SEPTIN14: variants seen among roughly 807,000 people sequenced by gnomAD.
The protein encoded by SEPTIN14 is septin-14.
Under a neutral mutation model 53.6 loss-of-function variants are expected in SEPTIN14, and 40 were observed. That is an observed-to-expected ratio of 0.75 (90% CI 0.58 to 0.97). SEPTIN14 has a LOEUF of 0.97. SEPTIN14 is among the 50% of genes least tolerant of loss of function. The pLI is 0.00. For synonymous variants in SEPTIN14, 138 were observed against 166.8 expected (o/e 0.83, Z 1.33); for missense variants, 471 against 508.2 (o/e 0.93, Z 0.70).
Position 55,798,263 on chromosome 7 carries a change from G to A in SEPTIN14, c.1120-2171C>T, listed in dbSNP as rs551154233. On this transcript the variant is annotated intron_variant, in intron 9 of 9. Transcript: ENST00000388975. ...CTGAGTTGGCAGCTGTTGCTCATGA[G>A]CGTCCACCAGGTGGGACAGGGAGTG... 1.1e-4 allele frequency: 51 copies of A among 451,356 alleles called. 2 individuals carry two copies. In the Middle Eastern group the frequency reaches 1.9e-3, roughly 16 times the overall value. 28.0% of individuals were successfully genotyped at this position (451,356 alleles called of 1,614,324 possible). A position where few individuals can be genotyped will look rare whatever the true frequency, so the allele number is the denominator to read the frequency against.
intron 9 of SEPTIN14, among the ~76,000 whole-genome samples, chr7:55,802,704 A>G (rs1788542599): frequency 6.6e-6 from 1 of 152,124 alleles, no homozygotes. Flanking sequence ...TTTTTTGGAT[A>G]CAAACTCCAA....
At chr7:55,806,759 G>A (rs923379919) in intron 8 of SEPTIN14, among the ~76,000 whole-genome samples, 18 of 151,984 alleles carry the variant, frequency 1.2e-4, no homozygotes, top group African/African-American at 2.2e-4. Context: ...CACAGCGCCC[G>A]GCCTATCCTT....
Position 55,799,906 on chromosome 7 carries a change from A to T in SEPTIN14, c.1120-3814T>A, listed in dbSNP as rs560727341. On this transcript the variant is annotated intron_variant, in intron 9 of 9. Coordinates refer to ENST00000388975, the MANE Select transcript of SEPTIN14 (RefSeq NM_207366.3). ...CAATAGACCAAATAGGCATAGATAG[A>T]TTATTTCACTGAACAGTAGAAGAAT... 2.0e-5 allele frequency among the ~76,000 whole-genome samples: 3 copies of T among 152,182 alleles called. No individual in the cohort carries two copies. The East Asian group carries it at 5.8e-4, about 29-fold the overall frequency.
At chr7:55,807,585 G>GT (rs2115966717) in intron 7 of SEPTIN14, among the ~76,000 whole-genome samples, 1 of 152,218 alleles carries the variant, frequency 6.6e-6, no homozygotes, top group South Asian at 2.1e-4. Context: ...CTACCTCTGG[G>GT]TATTTTGGAG....
rs151131058 is a variant in SEPTIN14 at position 55,821,576 on chromosome 7, C to G, written c.721-2353G>C. On this transcript the variant is annotated intron_variant, in intron 6 of 9. Transcript: ENST00000388975. ...AAACATATTACAAAGCTACAGTAAT[C>G]AAAATAGTTTGGAAGTAGCATAAAG... Among the ~76,000 whole-genome samples, 167 of 152,258 alleles carry G rather than the reference C, an allele frequency of 1.1e-3. 2 individuals are homozygous for G. Among genetic ancestry groups the G allele is most frequent in the African/African-American group, 3.9e-3 (160 of 41,540 alleles).
At chr7:55,830,347 A>ATTTTTTTTTTTTTTTTTTTT (rs1283196897) in intron 6 of SEPTIN14, among the ~76,000 whole-genome samples, 1 of 50,392 alleles carries the variant, frequency 2.0e-5, no homozygotes, top group African/African-American at 1.6e-4. Flanking sequence ...ATATATATAT[A>ATTTTTTTTTTTTTTTTTTTT]TATTTTTTTT....
In SEPTIN14 at chr7:55,847,585, G is replaced by T. The variant is rs147815902; in HGVS notation, c.55-948C>A. Reference sequence around the variant, plus strand: ...AACACAAAGCTTATGTTATAATAAAGTATTAAATATCTCATGTAATTTATC... The same window carrying T: ...AACACAAAGCTTATGTTATAATAAATTATTAAATATCTCATGTAATTTATC... On this transcript the variant is annotated intron_variant, in intron 2 of 9. Transcript: ENST00000388975. Among the ~76,000 whole-genome samples the T allele has an allele frequency of 3.2e-4, 49 of 152,156 alleles. 2 individuals are homozygous for T. Among genetic ancestry groups the T allele is most frequent in the African/African-American group, 1.1e-3 (45 of 41,532 alleles).
At chr7:55,852,012 G>A (rs1208711748) in intron 2 of SEPTIN14, among the ~76,000 whole-genome samples, 4 of 151,746 alleles carry the variant, frequency 2.6e-5, no homozygotes, top group Non-Finnish European at 4.4e-5. Flanking sequence ...TGTGGTGGTG[G>A]GTGCCTGTAG....
chr7:55,803,684 A>G (rs1384698518), intron 9 of SEPTIN14, among the ~76,000 whole-genome samples: 1 of 152,192 alleles, frequency 6.6e-6, no homozygotes, highest in African/African-American at 2.4e-5. Context: ...CATAGTTGAG[A>G]TATGGAAAAG....
Position 55,844,652 on chromosome 7 carries a change from T to G in SEPTIN14, c.242A>C (p.Lys81Thr). The G allele has an allele frequency of 6.2e-7, 1 of 1,610,966 alleles. No individual in the cohort carries two copies. The highest frequency in any genetic ancestry group is 8.5e-7 in the Non-Finnish European group (1 of 1,177,572). The change falls in exon 4 of 10, where the codon AAA becomes ACA. Residue 81 changes from lysine to threonine, a missense_variant. Coordinates refer to ENST00000388975, the MANE Select transcript of SEPTIN14 (RefSeq NM_207366.3). ...AACATTTGAGTAAAAATGTGAGGAT[T>G]TGTTATCTTTCAAGTTAGTATTAAA... ...TLFNTNLKDN[K>T]SSHFYSNVGL...
chr7:55,838,980 A>G (rs1789258480), intron 5 of SEPTIN14, among the ~76,000 whole-genome samples: 2 of 152,162 alleles, frequency 1.3e-5, no homozygotes, highest in South Asian at 4.1e-4. Flanking sequence ...TGTCATGTTG[A>G]CCCACTCCTT....
Position 55,811,119 on chromosome 7 carries a change from G to A in SEPTIN14, c.818-3861C>T, listed in dbSNP as rs542341593. The A allele has an allele frequency of 5.8e-4, 276 of 473,900 alleles. 1 individual carries two copies. The highest frequency in any genetic ancestry group is 3.5e-3 in the Middle Eastern group (10 of 2,886). 29.4% of individuals were successfully genotyped at this position (473,900 alleles called of 1,614,324 possible). On this transcript the variant is annotated intron_variant, in intron 7 of 9. Coordinates refer to ENST00000388975, the MANE Select transcript of SEPTIN14 (RefSeq NM_207366.3). ...TGTCAGGGGTGTTTGAATAGCTCCC[G>A]CGGTGATATCCAGGTCAGCTGTTGC...
At chr7:55,846,152 C>T (rs1415318945) in intron 3 of SEPTIN14, among the ~76,000 whole-genome samples, 2 of 139,082 alleles carry the variant, frequency 1.4e-5, no homozygotes, top group African/African-American at 2.7e-5. Context: ...AAAGTATATA[C>T]TAAGCTACAT....
In SEPTIN14 at chr7:55,823,888, CTTTT is replaced by C. The variant is rs34934744; in HGVS notation, c.721-4669_721-4666del. On this transcript the variant is annotated intron_variant, in intron 6 of 9. Coordinates refer to ENST00000388975, the MANE Select transcript of SEPTIN14 (RefSeq NM_207366.3). ...TTCCTTACCTACAGCAAGGTAAATT[CTTTT>C]TTTTTTTTTTTTGAGAGAGAGAGTG... 3.0e-3 allele frequency among the ~76,000 whole-genome samples: 406 copies of C among 134,396 alleles called. 4 individuals carry two copies. Among genetic ancestry groups the C allele is most frequent in the Middle Eastern group, 0.012 (3 of 254 alleles). 88.2% of individuals were successfully genotyped at this position (134,396 alleles called of 152,430 possible). A position where few individuals can be genotyped will look rare whatever the true frequency, so the allele number is the denominator to read the frequency against.
chr7:55,832,766 G>A (rs1381030044), intron 6 of SEPTIN14, among the ~76,000 whole-genome samples: 3 of 152,002 alleles, frequency 2.0e-5, no homozygotes, highest in Admixed American at 6.6e-5. Flanking sequence ...GGAGGAGGCC[G>A]ATGGTCAAAA....
intron 7 of SEPTIN14, among the ~76,000 whole-genome samples, chr7:55,816,164 G>T (rs2115986113): frequency 6.6e-6 from 1 of 152,176 alleles, no homozygotes; most frequent in East Asian, 1.9e-4. Context: ...TGAACCCATG[G>T]GGATAAAGAG....
intron 6 of SEPTIN14, among the ~76,000 whole-genome samples, chr7:55,824,333 T>C (rs762174538): frequency 2.6e-5 from 4 of 152,060 alleles, no homozygotes; most frequent in Non-Finnish European, 4.4e-5. Context: ...AAGATCCAAA[T>C]AGCCACCTCA....
chr7:55,804,506 G>A (rs778306034), intron 9 of SEPTIN14, among the ~76,000 whole-genome samples: 3 of 152,012 alleles, frequency 2.0e-5, no homozygotes, highest in Non-Finnish European at 2.9e-5. Flanking sequence ...GGATCCGCCC[G>A]CCTCCATCTC....
intron 7 of SEPTIN14, among the ~76,000 whole-genome samples, chr7:55,813,196 C>T (rs1457935131): frequency 2.6e-5 from 4 of 152,088 alleles, no homozygotes; most frequent in Admixed American, 1.3e-4. Context: ...GTGATCCACC[C>T]GCCTTGGCCT....
Sources: gnomAD v4.1 joint callset for allele counts (sites outside exome capture counted in the v4.1 genomes callset) on GRCh38, gnomAD v4.1.1 for gene constraint, MANE v1.5 for transcripts, NCBI Gene and HGNC (gene_info 2026-07-23, HGNC 2026-07-21) for gene names.